The following ROBO2 variants were observed in gnomAD, a reference collection of about 807,000 sequenced individuals.
ROBO2 encodes roundabout homolog 2.
In ROBO2, 53 loss-of-function variants were observed where a neutral mutation model predicts 160.8. The observed-to-expected ratio is 0.33, with a 90% CI of 0.26 to 0.41. The LOEUF (loss-of-function observed/expected upper bound fraction) is 0.41, where lower values mean the gene tolerates loss of function less well. Among genes scored for constraint, ROBO2 ranks in the 10% least tolerant of loss-of-function variants. The pLI is 1.00. For synonymous variants in ROBO2, 664 were observed against 611.7 expected (o/e 1.09, Z -1.26); for missense variants, 1,577 against 1,722.4 (o/e 0.92, Z 1.49).
intron 2 of ROBO2, among the ~76,000 whole-genome samples, chr3:76,365,234 T>C (rs1287873674): frequency 6.6e-6 from 1 of 152,050 alleles, no homozygotes; most frequent in Non-Finnish European, 1.5e-5. Flanking sequence ...TGACAGCCCA[T>C]AGAAGAGGAT....
intron 2 of ROBO2, among the ~76,000 whole-genome samples, chr3:77,309,827 T>G (rs748660124): frequency 6.6e-6 from 1 of 152,188 alleles, no homozygotes; most frequent in South Asian, 2.1e-4. Context: ...GAAGGGTCCA[T>G]AGAGAGATAA....
chr3:77,298,852 T>A (rs2062388277), intron 2 of ROBO2, among the ~76,000 whole-genome samples: 1 of 152,164 alleles, frequency 6.6e-6, no homozygotes, highest in Admixed American at 6.5e-5. Context: ...GTTCTTATAG[T>A]CAGTATGGAA....
intron 2 of ROBO2, among the ~76,000 whole-genome samples, chr3:76,119,461 A>G (rs191873922): frequency 1.7e-4 from 26 of 152,166 alleles, no homozygotes; most frequent in Middle Eastern, 3.4e-3. Flanking sequence ...AATTACATTA[A>G]TTAATAACAT....
rs545790125 is a variant in ROBO2, at chr3:77,108,425, CT to C, written c.388+10086del. Among the ~76,000 whole-genome samples the C allele has an allele frequency of 1.3e-3, 203 of 152,180 alleles. 1 individual carries two copies. The highest frequency in any genetic ancestry group is 3.4e-3 in the Middle Eastern group (1 of 292). On this transcript the variant is annotated intron_variant, in intron 2 of 25. Coordinates refer to ENST00000461745, the Ensembl canonical transcript of ROBO2. ...ACTCCTGGCCCTATGTGACCCCCCC[CT>C]ACCTTGGCCTCACGAAGTGCTAGGA...
intron 2 of ROBO2, among the ~76,000 whole-genome samples, chr3:77,145,906 G>T (rs2150478665): frequency 6.6e-6 from 1 of 152,244 alleles, no homozygotes; most frequent in Non-Finnish European, 1.5e-5. Flanking sequence ...TGAGACGCCT[G>T]GTATCTTGAG....
chr3:77,569,161 G>T (rs994241785), intron 13 of ROBO2, among the ~76,000 whole-genome samples: 2 of 151,720 alleles, frequency 1.3e-5, no homozygotes, highest in African/African-American at 4.8e-5. Context: ...CATTTATCTT[G>T]GTATAAACCT....
chr3:76,796,686 A>G (rs574093563), intron 2 of ROBO2, among the ~76,000 whole-genome samples: 1 of 152,250 alleles, frequency 6.6e-6, no homozygotes, highest in Non-Finnish European at 1.5e-5. Flanking sequence ...AAGACCCAAC[A>G]ATCGGTTGCC....
chr3:76,452,050 A>T (rs1412612998), intron 2 of ROBO2, among the ~76,000 whole-genome samples: 1 of 152,138 alleles, frequency 6.6e-6, no homozygotes, highest in African/African-American at 2.4e-5. Context: ...ATAAATCAAA[A>T]CTTGCAAACG....
chr3:76,981,916 C>T (rs946015771), intron 2 of ROBO2, among the ~76,000 whole-genome samples: 5 of 152,124 alleles, frequency 3.3e-5, no homozygotes, highest in Non-Finnish European at 7.3e-5. Context: ...AACTCACTAT[C>T]TTACAGGCAG....
At chr3:76,847,422 T>A (rs572420655) in intron 2 of ROBO2, among the ~76,000 whole-genome samples, 19 of 152,214 alleles carry the variant, frequency 1.2e-4, no homozygotes, top group Non-Finnish European at 2.4e-4. Context: ...GTACAAGAGA[T>A]TAATGGATAA....
At chr3:76,919,741 C>G (rs980814645) in intron 2 of ROBO2, among the ~76,000 whole-genome samples, 13 of 152,064 alleles carry the variant, frequency 8.5e-5, no homozygotes, top group Non-Finnish European at 1.8e-4. Context: ...TACTTTTAAG[C>G]CTGTGACTAC....
intron 2 of ROBO2, among the ~76,000 whole-genome samples, chr3:76,979,697 T>C (rs1287644653): frequency 6.6e-6 from 1 of 151,516 alleles, no homozygotes; most frequent in Non-Finnish European, 1.5e-5. Flanking sequence ...GAATGAATGA[T>C]AGTTAATTTT....
intron 2 of ROBO2, among the ~76,000 whole-genome samples, chr3:76,484,320 T>G (rs2079373760): frequency 6.6e-6 from 1 of 152,292 alleles, no homozygotes; most frequent in Admixed American, 6.5e-5. Flanking sequence ...CATCTTCTTC[T>G]TAATGTAAAA....
chr3:77,590,500 A>G (rs1559679059), intron 17 of ROBO2, among the ~76,000 whole-genome samples: 2 of 152,118 alleles, frequency 1.3e-5, no homozygotes, highest in African/African-American at 4.8e-5. Flanking sequence ...TTAATCAGCC[A>G]CCATGTCATA....
At chr3:76,393,621 T>A (rs948769524) in intron 2 of ROBO2, among the ~76,000 whole-genome samples, 1 of 152,054 alleles carries the variant, frequency 6.6e-6, no homozygotes, top group African/African-American at 2.4e-5. Flanking sequence ...CTGTAGATAA[T>A]GAGGAAGGAA....
intron 2 of ROBO2, among the ~76,000 whole-genome samples, chr3:76,750,291 G>A (rs933335293): frequency 5.9e-5 from 9 of 151,978 alleles, no homozygotes; most frequent in Non-Finnish European, 8.8e-5. Flanking sequence ...TTGATGGGAC[G>A]TATCTCAAAA....
chr3:76,686,818 A>G (rs2092696161), intron 2 of ROBO2, among the ~76,000 whole-genome samples: 1 of 152,170 alleles, frequency 6.6e-6, no homozygotes, highest in East Asian at 1.9e-4. Flanking sequence ...AAAAAAAAGT[A>G]TTTTACAATA....
Position 77,034,571 on chromosome 3 carries a change from T to C in ROBO2, c.110-63443T>C, listed in dbSNP as rs1012422957. On this transcript the variant is annotated intron_variant, in intron 2 of 26. Transcript: ENST00000487694. ...ATGTACCCTTGGATTAATTCCGTGA[T>C]AGTATTGCAAGGGAGAATAAGCAAT... is the stretch of plus-strand genomic sequence containing the variant. Among the ~76,000 whole-genome samples the C allele has an allele frequency of 9.2e-5, 14 of 151,900 alleles. 1 individual carries two copies. Among genetic ancestry groups the C allele is most frequent in the Admixed American group, 8.5e-4 (13 of 15,242 alleles).
chr3:77,272,854 T>C (rs2059587938), intron 2 of ROBO2, among the ~76,000 whole-genome samples: 1 of 152,206 alleles, frequency 6.6e-6, no homozygotes, highest in South Asian at 2.1e-4. Context: ...AAAGTATCCT[T>C]ATTTTATAAA....
Sources: gnomAD v4.1 joint callset for allele counts (sites outside exome capture counted in the v4.1 genomes callset) on GRCh38, gnomAD v4.1.1 for gene constraint, MANE v1.5 for transcripts, NCBI Gene and HGNC (gene_info 2026-07-23, HGNC 2026-07-21) for gene names.